The following SPMIP2 variants were observed in gnomAD, a reference collection of about 807,000 sequenced individuals.
The protein encoded by SPMIP2 is sperm microtubule inner protein 2.
the SPMIP2 span, among the ~76,000 whole-genome samples, chr4:159,067,417 G>A: frequency 6.6e-6 from 1 of 152,008 alleles, no homozygotes; most frequent in Non-Finnish European, 1.5e-5. Flanking sequence ...TTTTAGTAGA[G>A]GTGGGGGTTT....
At chr4:158,902,305 A>C in the SPMIP2 span, among the ~76,000 whole-genome samples, 1 of 152,138 alleles carries the variant, frequency 6.6e-6, no homozygotes. Flanking sequence ...CCTGGGTATC[A>C]CCAGCGGAGG....
the SPMIP2 span, chr4:158,915,293 C>T: frequency 6.2e-7 from 1 of 1,613,636 alleles, no homozygotes; most frequent in Non-Finnish European, 8.5e-7. Context: ...CGAAAGCACT[C>T]ATATGCCAGG....
At chr4:159,073,148 CTTTTTCTTTTTG>C in the SPMIP2 span, among the ~76,000 whole-genome samples, 1 of 151,928 alleles carries the variant, frequency 6.6e-6, no homozygotes, top group Non-Finnish European at 1.5e-5. Context: ...TTTTCTTTTT[CTTTTTCTTTTTG>C]TTTTTGTTTT....
the SPMIP2 span, among the ~76,000 whole-genome samples, chr4:159,040,459 C>T: frequency 6.6e-6 from 1 of 151,164 alleles, no homozygotes; most frequent in African/African-American, 2.4e-5. Flanking sequence ...GTGTGAGCCA[C>T]TGCGCCCGGT....
the SPMIP2 span, among the ~76,000 whole-genome samples, chr4:158,919,062 C>T: frequency 6.6e-6 from 1 of 152,124 alleles, no homozygotes; most frequent in South Asian, 2.1e-4. Context: ...AATCTTTTCT[C>T]GAACCAGTTA....
chr4:158,987,935 C>CA, the SPMIP2 span, among the ~76,000 whole-genome samples: 6 of 151,884 alleles, frequency 4.0e-5, no homozygotes, highest in African/African-American at 1.2e-4. Context: ...AAAAACCCTT[C>CA]AAAAAATCAA....
the SPMIP2 span, among the ~76,000 whole-genome samples, chr4:158,958,348 T>G: frequency 6.6e-6 from 1 of 152,168 alleles, no homozygotes; most frequent in Middle Eastern, 3.2e-3. Context: ...AAGGCTAGAC[T>G]CAAACTCCTG....
the SPMIP2 span, among the ~76,000 whole-genome samples, chr4:159,016,739 C>G: frequency 5.3e-5 from 8 of 152,156 alleles, no homozygotes; most frequent in East Asian, 1.9e-4. Context: ...TTGACAGCAG[C>G]CTGCCCCCCA....
chr4:158,910,624 C>T, the SPMIP2 span, among the ~76,000 whole-genome samples: 12 of 152,266 alleles, frequency 7.9e-5, no homozygotes, highest in Middle Eastern at 0.027. Context: ...GTCAGTGGAC[C>T]CTGAATAAAG....
chr4:158,917,206 C>T, the SPMIP2 span, among the ~76,000 whole-genome samples: 14 of 151,916 alleles, frequency 9.2e-5, no homozygotes, highest in Admixed American at 5.2e-4. Context: ...GCCAAGATCA[C>T]ACCACTGCAC....
the SPMIP2 span, among the ~76,000 whole-genome samples, chr4:159,031,535 TC>T: frequency 2.6e-5 from 4 of 152,222 alleles, no homozygotes; most frequent in Non-Finnish European, 5.9e-5. Context: ...GGATCCTTAT[TC>T]TCAAAATCAA....
At chr4:158,924,489 C>T in the SPMIP2 span, among the ~76,000 whole-genome samples, 2 of 152,158 alleles carry the variant, frequency 1.3e-5, no homozygotes, top group South Asian at 2.1e-4. Context: ...AAGTGATTCT[C>T]CTGCCTCAGC....
At chr4:158,965,836 T>C in the SPMIP2 span, among the ~76,000 whole-genome samples, 1 of 152,204 alleles carries the variant, frequency 6.6e-6, no homozygotes, top group Non-Finnish European at 1.5e-5. Context: ...TCTCCATTTC[T>C]CATCATTTAC....
At chr4:158,980,177 A>T in the SPMIP2 span, among the ~76,000 whole-genome samples, 2 of 138,428 alleles carry the variant, frequency 1.4e-5, no homozygotes, top group Admixed American at 1.5e-4. Context: ...TGGGCAAGGC[A>T]TCTCTGAACA....
chr4:159,002,781 C>G, the SPMIP2 span, among the ~76,000 whole-genome samples: 1 of 151,998 alleles, frequency 6.6e-6, no homozygotes, highest in African/African-American at 2.4e-5. Context: ...CACACACACA[C>G]ACACACACAC....
the SPMIP2 span, among the ~76,000 whole-genome samples, chr4:159,023,699 G>A: frequency 0.21 from 32,199 of 152,060 alleles, 3,562 homozygotes; most frequent in Non-Finnish European, 0.25. Context: ...CACATGTTAT[G>A]GCACACTGTA....
At chr4:158,904,579 A>AAAATC in the SPMIP2 span, 4 of 1,558,722 alleles carry the variant, frequency 2.6e-6, no homozygotes, top group Admixed American at 6.8e-5. Flanking sequence ...TTGGAAGAAA[A>AAAATC]AAATCAAATT....
the SPMIP2 span, chr4:158,973,203 C>A: frequency 6.2e-7 from 1 of 1,613,618 alleles, no homozygotes; most frequent in South Asian, 1.1e-5. Flanking sequence ...TGAGGCAGGC[C>A]TCCATAAATA....
the SPMIP2 span, among the ~76,000 whole-genome samples, chr4:158,904,014 G>A: frequency 4.0e-4 from 61 of 152,258 alleles, 1 homozygote; most frequent in Admixed American, 2.2e-3. Context: ...AATTCCCAAT[G>A]TTTTTTAAGA....
Sources: gnomAD v4.1 joint callset for allele counts (sites outside exome capture counted in the v4.1 genomes callset) on GRCh38, gnomAD v4.1.1 for gene constraint, MANE v1.5 for transcripts, NCBI Gene and HGNC (gene_info 2026-07-23, HGNC 2026-07-21) for gene names.